Variants in IGF1 observed in about 807,000 individuals in gnomAD.
IGF1 encodes the protein insulin like growth factor 1, also known as insulin-like growth factor 1.
Under a neutral mutation model 13.8 loss-of-function variants are expected in IGF1, and 4 were observed. That is an observed-to-expected ratio of 0.29 (90% CI 0.14 to 0.66). The LOEUF is 0.66. Ranked by LOEUF, IGF1 falls within the 30% of genes least tolerant of loss-of-function variation. The pLI, the probability that IGF1 is intolerant of heterozygous loss-of-function variation, is 0.78. For missense variants in IGF1, 124 were observed against 188.5 expected, an observed-to-expected ratio of 0.66 and a Z score of 2.00; for synonymous variants, 76 against 72.6, an observed-to-expected ratio of 1.05 and a Z score of -0.23.
chr12:102,439,360 C>G (rs1316701901), intron 2 of IGF1, among the ~76,000 whole-genome samples: 1 of 151,940 alleles, frequency 6.6e-6, no homozygotes, highest in Non-Finnish European at 1.5e-5. Context: ...TCAGATGGCA[C>G]TAAGTCAGGT....
At chr12:102,425,978 G>A (rs892073857) in intron 2 of IGF1, among the ~76,000 whole-genome samples, 2 of 152,210 alleles carry the variant, frequency 1.3e-5, no homozygotes, top group Non-Finnish European at 2.9e-5. Context: ...AACGTCTAAG[G>A]TGAAAGATAA....
At chr12:102,451,803 C>G (rs910353940) in intron 2 of IGF1, among the ~76,000 whole-genome samples, 6 of 152,108 alleles carry the variant, frequency 3.9e-5, no homozygotes, top group Non-Finnish European at 7.3e-5. Context: ...TCATCTTGAA[C>G]TGTAATTCCC....
rs558967752 is a variant in IGF1, at chr12:102,465,695, G to A, written c.220+9948C>T. On this transcript the variant is annotated intron_variant, in intron 2 of 3. Transcript: ENST00000337514. The stretch of plus-strand genomic sequence containing the variant: ...CTCACGCCTGTAATCCCAGCACTTT[G>A]TGAGTCCAAGGCAGGCGGATCACCT... Among the ~76,000 whole-genome samples, 11 of 152,318 alleles carry A rather than the reference G, an allele frequency of 7.2e-5. No homozygotes were observed. In the South Asian group the frequency reaches 1.4e-3, roughly 20 times the overall value.
chr12:102,439,218 G>A (rs1430528096), intron 2 of IGF1, among the ~76,000 whole-genome samples: 1 of 152,208 alleles, frequency 6.6e-6, no homozygotes, highest in Non-Finnish European at 1.5e-5. Context: ...GAGAAGGGGT[G>A]GCCTGCATTT....
At chr12:102,419,885 C>T (rs1236008533) in intron 2 of IGF1, among the ~76,000 whole-genome samples, 195 bp from the exon 3 acceptor site, 1 of 152,156 alleles carries the variant, frequency 6.6e-6, no homozygotes, top group Admixed American at 6.5e-5. Flanking sequence ...GGAGTCTGTA[C>T]CACACTCATT....
At position 102,398,396 on chromosome 12, in the gene IGF1, C is replaced by G. The variant is rs1873402197; in HGVS notation, c.*4111G>C. The G allele has an allele frequency of 6.6e-6, 1 of 152,176 alleles. No individual in the cohort carries two copies. 9.4% of individuals were successfully genotyped at this position (152,176 alleles called of 1,614,324 possible). A position where few individuals can be genotyped will look rare whatever the true frequency, so the allele number is the denominator to read the frequency against. Reference sequence around the variant, plus strand: ...TATTTTTTCTCTTTGTTCTTATTTTCTCCACTTGCTGAATATCTGTTTTAG... The same window carrying G: ...TATTTTTTCTCTTTGTTCTTATTTTGTCCACTTGCTGAATATCTGTTTTAG... On this transcript the variant is annotated 3_prime_UTR_variant, in exon 4 of 4. Transcript: ENST00000337514.
intron 2 of IGF1, among the ~76,000 whole-genome samples, chr12:102,435,372 G>T (rs1471501175): frequency 6.6e-6 from 1 of 152,176 alleles, no homozygotes; most frequent in Non-Finnish European, 1.5e-5. Flanking sequence ...TGGGCTTGGT[G>T]CTCAGAATAT....
chr12:102,431,442 C>T (rs529355658), intron 2 of IGF1, among the ~76,000 whole-genome samples: 2 of 152,306 alleles, frequency 1.3e-5, no homozygotes, highest in African/African-American at 4.8e-5. Flanking sequence ...TTGAGTGCTT[C>T]CTACTAAGCT....
intron 2 of IGF1, among the ~76,000 whole-genome samples, chr12:102,429,227 A>G (rs964884371): frequency 6.6e-6 from 1 of 152,138 alleles, no homozygotes; most frequent in Admixed American, 6.6e-5. Flanking sequence ...TCATCAGACC[A>G]TTATTTCTTT....
intron 3 of IGF1, among the ~76,000 whole-genome samples, chr12:102,418,227 G>C (rs1875337861): frequency 6.6e-6 from 1 of 152,182 alleles, no homozygotes; most frequent in Non-Finnish European, 1.5e-5. Flanking sequence ...GGGTCACCTG[G>C]GAAGAGAAAG....
Position 102,398,726 on chromosome 12 carries a change from G to A in IGF1, c.*3781C>T, listed in dbSNP as rs1873431024. ...GATAGACCTAATGCTATTTTATTAA[G>A]CCATCTATCTATAGAATTGTTGTTT... On this transcript the variant is annotated 3_prime_UTR_variant, in exon 4 of 4. Coordinates refer to ENST00000337514, the MANE Select transcript of IGF1 (RefSeq NM_000618.5). The A allele has an allele frequency of 6.6e-6, 1 of 151,978 alleles. No individual in the cohort carries two copies. The highest frequency in any genetic ancestry group is 1.5e-5 in the Non-Finnish European group (1 of 67,986). 9.4% of individuals were successfully genotyped at this position (151,978 alleles called of 1,614,324 possible). A position where few individuals can be genotyped will look rare whatever the true frequency, so the allele number is the denominator to read the frequency against.
chr12:102,417,794 C>T (rs1875281366), intron 3 of IGF1: 3 of 1,613,404 alleles, frequency 1.9e-6, no homozygotes, highest in Non-Finnish European at 2.5e-6. Flanking sequence ...ATCCTTGCCT[C>T]TGTCTGTTTA....
intron 2 of IGF1, among the ~76,000 whole-genome samples, chr12:102,439,270 G>A (rs890175126): frequency 2.6e-5 from 4 of 152,150 alleles, no homozygotes; most frequent in South Asian, 4.1e-4. Flanking sequence ...TGGGAGAAAT[G>A]AGTGCTATTC....
At position 102,441,906 on chromosome 12, in the gene IGF1, G is replaced by GCTGCTTCTTCTTCTTCTTCTTCTTCTT; in HGVS notation, c.221-22217_221-22216insAAGAAGAAGAAGAAGAAGAAGAAGCAG. ...GAGCACTAAGTCATTCTATTACACTGCTTCTTCTCCTTCTTCTTCTTCTTC... is the reference window on the plus strand; with the variant it reads ...GAGCACTAAGTCATTCTATTACACTGCTGCTTCTTCTTCTTCTTCTTCTTCTTCTTCTTCTCCTTCTTCTTCTTCTTC... On this transcript the variant is annotated intron_variant, in intron 2 of 3. Transcript: ENST00000337514. 1.0e-3 allele frequency among the ~76,000 whole-genome samples: 101 copies of GCTGCTTCTTCTTCTTCTTCTTCTTCTT among 100,310 alleles called. 2 individuals carry two copies. The highest frequency in any genetic ancestry group is 2.8e-3 in the East Asian group (9 of 3,222). 65.8% of individuals were successfully genotyped at this position (100,310 alleles called of 152,430 possible).
chr12:102,412,493 G>A (rs1351093358), intron 3 of IGF1, among the ~76,000 whole-genome samples: 4 of 152,114 alleles, frequency 2.6e-5, no homozygotes, highest in African/African-American at 7.2e-5. Flanking sequence ...CTAAATTGCT[G>A]CCAAGGACAT....
intron 2 of IGF1, among the ~76,000 whole-genome samples, chr12:102,423,871 C>A (rs886065384): frequency 6.6e-6 from 1 of 152,192 alleles, no homozygotes; most frequent in Non-Finnish European, 1.5e-5. Flanking sequence ...GTCATCACTT[C>A]TAGAACAAAG....
intron 2 of IGF1, 26 bp from the exon 3 acceptor site, chr12:102,419,716 C>T (rs1875523739): frequency 6.2e-7 from 1 of 1,608,268 alleles, no homozygotes; most frequent in Non-Finnish European, 8.5e-7. Context: ...AGAGTGGCCT[C>T]ATGTTAGGGT....
intron 2 of IGF1, among the ~76,000 whole-genome samples, chr12:102,465,636 G>A (rs1348499613): frequency 6.6e-6 from 1 of 152,200 alleles, no homozygotes; most frequent in Non-Finnish European, 1.5e-5. Context: ...AGCCACATAT[G>A]TTAAGGTCAA....
rs1156448985 is a variant in IGF1, at chr12:102,402,160, A to G, written c.*347T>C. The G allele has an allele frequency of 6.3e-6, 1 of 158,720 alleles. No homozygotes were observed. Among genetic ancestry groups the G allele is most frequent in the Non-Finnish European group, 1.4e-5 (1 of 72,616 alleles). 9.8% of individuals were successfully genotyped at this position (158,720 alleles called of 1,614,324 possible). On this transcript the variant is annotated 3_prime_UTR_variant, in exon 4 of 4. Coordinates refer to ENST00000337514, the MANE Select transcript of IGF1 (RefSeq NM_000618.5). ...TGGCTCCAGCAGCCAAGATTCAGAG[A>G]GGAATTTAGTGCAACTGGATCTATA... is the stretch of plus-strand genomic sequence containing the variant.
Sources: allele counts gnomAD v4.1 joint callset (sites outside exome capture counted in the v4.1 genomes callset), GRCh38; gene constraint gnomAD v4.1.1; transcripts MANE v1.5; gene names NCBI Gene and HGNC (gene_info 2026-07-23, HGNC 2026-07-21).